Variants in TFEC observed in about 807,000 individuals in gnomAD.
TFEC encodes class E basic helix-loop-helix protein 34.
Under a neutral mutation model 41.6 loss-of-function variants are expected in TFEC, and 31 were observed. The ratio of observed to expected loss-of-function variants is 0.74; its 90% CI spans 0.56 to 1.01. The LOEUF is 1.01. Among genes scored for constraint, TFEC ranks in the 50% least tolerant of loss-of-function variants. The pLI is 0.00. For missense variants in TFEC, 402 were observed against 404.1 expected, an observed-to-expected ratio of 0.99 and a Z score of 0.04; for synonymous variants, 143 against 140.6, an observed-to-expected ratio of 1.02 and a Z score of -0.12.
chr7:116,030,542 C>G, intron 1 of TFEC, 91 bp downstream of exon 1: 2 of 772,808 alleles, frequency 2.6e-6, no homozygotes, highest in African/African-American at 1.9e-5. Context: ...ATAAGCAAGC[C>G]ACACATATCA....
chr7:115,958,964 G>C (rs1200784593), intron 3 of TFEC, among the ~76,000 whole-genome samples: 1 of 151,822 alleles, frequency 6.6e-6, no homozygotes, highest in East Asian at 1.9e-4. Flanking sequence ...AAAATGTACA[G>C]ATTGCATTCA....
In TFEC at chr7:115,937,491, T is replaced by G. The variant is rs138046791; in HGVS notation, c.*3060A>C. The stretch of plus-strand genomic sequence containing the variant: ...ACACTATTTTTGTTTGGAAATTTAT[T>G]TGCATCATTTCAAAATGTTATGGTC... On this transcript the variant is annotated 3_prime_UTR_variant, in exon 8 of 8. Coordinates refer to ENST00000265440, the MANE Select transcript of TFEC (RefSeq NM_012252.4). 1 of 151,902 alleles carries G rather than the reference T, an allele frequency of 6.6e-6. No individual in the cohort carries two copies. Among genetic ancestry groups the G allele is most frequent in the African/African-American group, 2.4e-5 (1 of 41,532 alleles). 9.4% of individuals were successfully genotyped at this position (151,902 alleles called of 1,614,324 possible).
At chr7:116,010,978 C>G (rs569671294) in intron 1 of TFEC, among the ~76,000 whole-genome samples, 1 of 152,132 alleles carries the variant, frequency 6.6e-6, no homozygotes, top group Non-Finnish European at 1.5e-5. Flanking sequence ...ATCTGCAGCT[C>G]TAAAATCCAA....
At chr7:116,085,017 A>G (rs1460849687) in intron 3 of TFEC, among the ~76,000 whole-genome samples, 1 of 151,920 alleles carries the variant, frequency 6.6e-6, no homozygotes, top group African/African-American at 2.4e-5. Flanking sequence ...GTACTTAGGA[A>G]CAGGAGATAG....
chr7:116,115,990 T>C (rs909953535), intron 1 of TFEC, among the ~76,000 whole-genome samples: 23 of 151,976 alleles, frequency 1.5e-4, no homozygotes, highest in Admixed American at 1.4e-3. Flanking sequence ...CATGGCTTTG[T>C]GGTTATTTAC....
intron 2 of TFEC, among the ~76,000 whole-genome samples, chr7:115,981,196 T>G (rs1793614935): frequency 6.6e-6 from 1 of 152,074 alleles, no homozygotes; most frequent in South Asian, 2.1e-4. Context: ...AACCCACTTA[T>G]GCTTGTCTAC....
chr7:115,978,311 A>AACCTAAAATATATAT (rs1793475682), intron 2 of TFEC, among the ~76,000 whole-genome samples: 1 of 152,220 alleles, frequency 6.6e-6, no homozygotes, highest in Admixed American at 6.5e-5. Context: ...AGTGATCATG[A>AACCTAAAATATATAT]ACACGTATAC....
intron 3 of TFEC, among the ~76,000 whole-genome samples, chr7:115,966,369 T>C (rs886191669): frequency 6.6e-6 from 1 of 151,692 alleles, no homozygotes; most frequent in Non-Finnish European, 1.5e-5. Context: ...GGGAATTTTT[T>C]TAAGAAGATA....
intron 1 of TFEC, among the ~76,000 whole-genome samples, chr7:115,986,481 C>T (rs1399360944): frequency 6.6e-6 from 1 of 151,732 alleles, no homozygotes; most frequent in African/African-American, 2.4e-5. Context: ...GTTCACAATG[C>T]AAAGCAAAAG....
chr7:116,105,901 T>C (rs1047842045), intron 3 of TFEC, among the ~76,000 whole-genome samples: 1 of 152,104 alleles, frequency 6.6e-6, no homozygotes, highest in Non-Finnish European at 1.5e-5. Context: ...CCCATCTCTT[T>C]CCACCTTCCA....
At chr7:116,004,175 TAACTA>T (rs1472183987) in intron 1 of TFEC, among the ~76,000 whole-genome samples, 1 of 151,968 alleles carries the variant, frequency 6.6e-6, no homozygotes, top group Non-Finnish European at 1.5e-5. Flanking sequence ...TAAAGAAAGT[TAACTA>T]AACCTAAATA....
intron 3 of TFEC, among the ~76,000 whole-genome samples, chr7:116,070,826 T>C: frequency 6.6e-6 from 1 of 151,312 alleles, no homozygotes; most frequent in East Asian, 1.9e-4. Context: ...GTTCCTTTTA[T>C]TAGAGAAGCA....
At chr7:116,030,217 T>C (rs1795743284) in intron 1 of TFEC, among the ~76,000 whole-genome samples, 1 of 152,194 alleles carries the variant, frequency 6.6e-6, no homozygotes, top group African/African-American at 2.4e-5. Flanking sequence ...ATAGAGCTCA[T>C]ATTTTCTTAC....
chr7:115,997,050 A>G (rs768228092), intron 1 of TFEC, among the ~76,000 whole-genome samples: 25 of 152,138 alleles, frequency 1.6e-4, no homozygotes, highest in Non-Finnish European at 2.4e-4. Context: ...TGACTTTACT[A>G]CCTGCTGATT....
chr7:116,070,784 A>G (rs1014297229), intron 3 of TFEC, among the ~76,000 whole-genome samples: 2 of 151,538 alleles, frequency 1.3e-5, no homozygotes, highest in Non-Finnish European at 1.5e-5. Context: ...TACAACTTTA[A>G]TAAAATCAAA....
chr7:116,103,529 A>G (rs181231049), intron 3 of TFEC, among the ~76,000 whole-genome samples: 1 of 152,294 alleles, frequency 6.6e-6, no homozygotes, highest in East Asian at 1.9e-4. Context: ...ATTTCCTTAT[A>G]TCTTTCACTG....
At chr7:116,014,519 AC>A (rs1795118694) in intron 1 of TFEC, among the ~76,000 whole-genome samples, 1 of 152,186 alleles carries the variant, frequency 6.6e-6, no homozygotes, top group Non-Finnish European at 1.5e-5. Context: ...TTGAAAATTT[AC>A]AAATTAAAAC....
intron 2 of TFEC, among the ~76,000 whole-genome samples, chr7:115,979,826 T>G (rs1793545959): frequency 6.6e-6 from 1 of 152,192 alleles, no homozygotes; most frequent in African/African-American, 2.4e-5. Flanking sequence ...CTGAGACGCA[T>G]CAACATTACC....
chr7:116,067,848 G>A (rs894853694), intron 3 of TFEC, among the ~76,000 whole-genome samples: 7 of 151,764 alleles, frequency 4.6e-5, no homozygotes, highest in Non-Finnish European at 8.8e-5. Context: ...GTGCTTTGAT[G>A]AATTAAATTC....
Sources: gnomAD v4.1 joint callset for allele counts (sites outside exome capture counted in the v4.1 genomes callset) on GRCh38, gnomAD v4.1.1 for gene constraint, MANE v1.5 for transcripts, NCBI Gene and HGNC (gene_info 2026-07-23, HGNC 2026-07-21) for gene names.